Variants in ILDR2 observed in about 807,000 individuals in gnomAD.
ILDR2 encodes immunoglobulin-like domain-containing receptor 2.
Under a neutral mutation model 66.8 loss-of-function variants are expected in ILDR2, and 25 were observed. The observed-to-expected ratio is 0.37, with a 90% CI of 0.27 to 0.52. ILDR2 has a LOEUF of 0.52. ILDR2 is among the 20% of genes least tolerant of loss of function. The probability of loss-of-function intolerance (pLI) is 0.88; values close to 1 mark genes in which losing one functional copy is unlikely to be tolerated. For missense variants in ILDR2, 827 were observed against 876.8 expected (o/e 0.94, Z 0.72); for synonymous variants, 367 against 357.2 (o/e 1.03, Z -0.31).
chr1:166,920,447 C>T (rs1659843316), intron 9 of ILDR2, among the ~76,000 whole-genome samples: 1 of 152,232 alleles, frequency 6.6e-6, no homozygotes, highest in Non-Finnish European at 1.5e-5. Context: ...AAACCATATA[C>T]ACGCCTTCAA....
intron 3 of ILDR2, among the ~76,000 whole-genome samples, chr1:166,950,384 C>CAGGCTG (rs938119881): frequency 1.3e-5 from 2 of 152,124 alleles, no homozygotes; most frequent in Admixed American, 6.5e-5. Flanking sequence ...TTAGCGGCAC[C>CAGGCTG]AGGCTGGGGC....
At chr1:166,948,042 A>G (rs1000488509) in intron 3 of ILDR2, among the ~76,000 whole-genome samples, 1 of 151,850 alleles carries the variant, frequency 6.6e-6, no homozygotes, top group Non-Finnish European at 1.5e-5. Context: ...TCAAACCCCC[A>G]CCTCTTTGCT....
At chr1:166,920,604 C>T (rs1351833755) in intron 9 of ILDR2, 103 bp downstream of exon 9, 20 of 1,263,040 alleles carry the variant, frequency 1.6e-5, no homozygotes, top group Non-Finnish European at 1.9e-5. Flanking sequence ...CAAGGACCCT[C>T]CCGCCTCGCC....
At chr1:166,966,945 A>T (rs1662989771) in intron 1 of ILDR2, among the ~76,000 whole-genome samples, 1 of 152,210 alleles carries the variant, frequency 6.6e-6, no homozygotes, top group Admixed American at 6.5e-5. Context: ...AATCAAATAT[A>T]CAACTTCACT....
intron 1 of ILDR2, among the ~76,000 whole-genome samples, chr1:166,960,916 C>T (rs986861266): frequency 3.3e-5 from 5 of 152,040 alleles, no homozygotes; most frequent in Admixed American, 6.6e-5. Flanking sequence ...ATAGTTACAC[C>T]TCAATTTTTC....
At chr1:166,946,486 G>GT (rs55658470) in intron 3 of ILDR2, among the ~76,000 whole-genome samples, 25,422 of 151,960 alleles carry the variant, frequency 0.17, 2,296 homozygotes, top group Middle Eastern at 0.2. Flanking sequence ...TTGGTTTTTT[G>GT]TTTTTTGTTT....
chr1:166,930,045 G>A (rs1202672203), intron 6 of ILDR2, among the ~76,000 whole-genome samples: 1 of 152,086 alleles, frequency 6.6e-6, no homozygotes. Flanking sequence ...TGGGGGAGGG[G>A]GCCCATAAAG....
chr1:166,927,473 T>G (rs1326229207), intron 6 of ILDR2, among the ~76,000 whole-genome samples: 1 of 152,242 alleles, frequency 6.6e-6, no homozygotes, highest in Non-Finnish European at 1.5e-5. Flanking sequence ...ACAGCTCCAC[T>G]TAGTGCTCAT....
At chr1:166,952,296 A>G (rs1194942309) in intron 3 of ILDR2, among the ~76,000 whole-genome samples, 1 of 152,162 alleles carries the variant, frequency 6.6e-6, no homozygotes, top group Non-Finnish European at 1.5e-5. Flanking sequence ...AGACACTCCC[A>G]TCTTCTGTGA....
At chr1:166,971,410 G>A (rs1663289589) in intron 1 of ILDR2, among the ~76,000 whole-genome samples, 1 of 152,164 alleles carries the variant, frequency 6.6e-6, no homozygotes, top group African/African-American at 2.4e-5. Flanking sequence ...CAGGGGTGTG[G>A]CTCTCATCAA....
chr1:166,906,325 C>T (rs142973052), downstream of ILDR2, among the ~76,000 whole-genome samples: 175 of 152,236 alleles, frequency 1.1e-3, 1 homozygote, highest in Non-Finnish European at 2.1e-3. Flanking sequence ...GGTGACAGGG[C>T]GAACACTGCA....
At chr1:166,972,076 G>C (rs1174853275) in intron 1 of ILDR2, among the ~76,000 whole-genome samples, 1 of 152,016 alleles carries the variant, frequency 6.6e-6, no homozygotes, top group Non-Finnish European at 1.5e-5. Context: ...GCCAGGTGTG[G>C]TGGCGCGTGC....
chr1:166,966,508 A>T (rs1447789567), intron 1 of ILDR2, among the ~76,000 whole-genome samples: 4 of 152,218 alleles, frequency 2.6e-5, no homozygotes, highest in Admixed American at 1.3e-4. Flanking sequence ...TGCTCATGGC[A>T]TAGTTATTAT....
intron 8 of ILDR2, among the ~76,000 whole-genome samples, chr1:166,922,060 G>A (rs185811330): frequency 6.6e-6 from 1 of 152,274 alleles, no homozygotes; most frequent in East Asian, 1.9e-4. Context: ...GCCCTTTAGA[G>A]TTATGAGAAT....
In ILDR2 at chr1:166,921,345, T is replaced by A. The variant is rs1358414879; in HGVS notation, c.1246A>T (p.Lys416Ter). The change falls in exon 9 of 10, where the codon AAG becomes TAG. Residue 416 changes from lysine (K) to a stop codon, truncating the protein, a stop_gained. Coordinates refer to ENST00000271417, the MANE Select transcript of ILDR2 (RefSeq NM_199351.3). LOFTEE classifies it high-confidence loss of function. The surrounding 1 kb of genome is among the most constrained non-coding windows in gnomAD (Gnocchi z 5.3). ...GCCGGCACCCCCGTGGCGAAGTTCT[T>A]CCGCGACAGCATCTCCGACTTGGAG... Reference protein sequence around the residue: ...PRSKSEMLSRKNFATGVPAVS... With the variant: ...PRSKSEMLSR 6.3e-7 allele frequency: 1 copy of A among 1,580,784 alleles called. No individual in the cohort carries two copies. Among genetic ancestry groups the A allele is most frequent in the Non-Finnish European group, 8.6e-7 (1 of 1,159,518 alleles).
chr1:166,935,609 T>G (rs1271548047), intron 5 of ILDR2, 132 bp from the exon 6 acceptor site: 17 of 768,554 alleles, frequency 2.2e-5, no homozygotes, highest in Non-Finnish European at 3.4e-5. Context: ...CGTTTGTTCT[T>G]CTAAAACTGA....
chr1:166,973,770 C>T (rs1017827354), intron 1 of ILDR2, among the ~76,000 whole-genome samples: 3 of 151,962 alleles, frequency 2.0e-5, no homozygotes, highest in Non-Finnish European at 2.9e-5. Context: ...GCCAGGGGAG[C>T]GGGGTGGCAT....
intron 1 of ILDR2, among the ~76,000 whole-genome samples, chr1:166,959,481 G>A (rs1002292962): frequency 2.8e-4 from 42 of 152,170 alleles, no homozygotes; most frequent in African/African-American, 7.0e-4. Flanking sequence ...GGACAGAGAT[G>A]AAAAGGAAAA....
Position 166,920,976 on chromosome 1 carries a change from G to A in ILDR2, c.1615C>T (p.Pro539Ser), listed in dbSNP as rs1442079506. ...CTGCCACCGCGGCTGGCGCCCTCGG[G>A]CCGCGCCTGGCGCTCCCGCGCGCTG... ...LGSARERQAR[P>S]EGASRGGSLE... The change falls in exon 9 of 10, where the codon CCC becomes TCC. Residue 539 changes from proline (P) to serine (S), a missense_variant. Transcript: ENST00000271417. The A allele has an allele frequency of 6.0e-6, 9 of 1,489,410 alleles. No homozygotes were observed. The highest frequency in any genetic ancestry group is 7.1e-6 in the Non-Finnish European group (8 of 1,130,718). The allele number at this position is 1,489,410 out of a possible 1,614,324, so 92.3% of individuals were successfully genotyped here. A position where few individuals can be genotyped will look rare whatever the true frequency, so the allele number is the denominator to read the frequency against.
Sources: gnomAD v4.1 joint callset for allele counts (sites outside exome capture counted in the v4.1 genomes callset) on GRCh38, gnomAD v4.1.1 for gene constraint, Gnocchi (gnomAD v3.1) non-coding constraint, MANE v1.5 for transcripts, NCBI Gene and HGNC (gene_info 2026-07-23, HGNC 2026-07-21) for gene names.